Variants in TBC1D5 observed in about 807,000 individuals in gnomAD.
The protein encoded by TBC1D5 is TBC1 domain family member 5.
Under a neutral mutation model 100.3 loss-of-function variants are expected in TBC1D5, and 75 were observed. That is an observed-to-expected ratio of 0.75 (90% CI 0.62 to 0.91). The LOEUF is 0.91. TBC1D5 is among the 40% of genes least tolerant of loss of function. The pLI is 0.00. For synonymous variants in TBC1D5, 323 were observed against 325.6 expected (o/e 0.99, Z 0.09); for missense variants, 910 against 942.4 (o/e 0.97, Z 0.45).
At chr3:17,474,172 C>T (rs371765468) in intron 3 of TBC1D5, among the ~76,000 whole-genome samples, 1 of 152,206 alleles carries the variant, frequency 6.6e-6, no homozygotes, top group East Asian at 1.9e-4. Context: ...AGTTAATCAC[C>T]TTGTAAAAAC....
At chr3:17,295,059 A>G (rs1193683719) in intron 14 of TBC1D5, among the ~76,000 whole-genome samples, 1 of 152,244 alleles carries the variant, frequency 6.6e-6, no homozygotes, top group East Asian at 1.9e-4. Context: ...AAGAAGTGAA[A>G]GATTAAGAAA....
chr3:17,202,445 T>C (rs972816129), intron 18 of TBC1D5, among the ~76,000 whole-genome samples: 2 of 152,120 alleles, frequency 1.3e-5, no homozygotes, highest in Non-Finnish European at 2.9e-5. Flanking sequence ...AAAAGAAAAA[T>C]CCATGTTCCT....
At chr3:17,683,515 A>ACTT (rs2069795003) in intron 1 of TBC1D5, among the ~76,000 whole-genome samples, 2 of 146,722 alleles carry the variant, frequency 1.4e-5, no homozygotes, top group African/African-American at 5.5e-5. Flanking sequence ...AAGATGACTA[A>ACTT]ATGTTATACA....
At chr3:17,427,875 C>T (rs1430779744) in intron 4 of TBC1D5, among the ~76,000 whole-genome samples, 2 of 151,808 alleles carry the variant, frequency 1.3e-5, no homozygotes, top group Non-Finnish European at 3.0e-5. Flanking sequence ...AAGCAAAATT[C>T]AAGTTATGAG....
At chr3:17,565,948 T>C (rs539879106) in intron 2 of TBC1D5, among the ~76,000 whole-genome samples, 44 of 152,162 alleles carry the variant, frequency 2.9e-4, no homozygotes, top group African/African-American at 9.9e-4. Flanking sequence ...TATAACATTA[T>C]AGCACAATAT....
chr3:17,459,348 G>A (rs1271180394), intron 3 of TBC1D5, among the ~76,000 whole-genome samples: 2 of 151,996 alleles, frequency 1.3e-5, no homozygotes, highest in Non-Finnish European at 2.9e-5. Context: ...CACATCCCTC[G>A]CATGCACAGG....
intron 13 of TBC1D5, among the ~76,000 whole-genome samples, chr3:17,324,054 AG>A (rs1215475539): frequency 6.6e-6 from 1 of 152,230 alleles, no homozygotes; most frequent in Non-Finnish European, 1.5e-5. Context: ...AAACATGTCA[AG>A]GAAATTCAAT....
intron 3 of TBC1D5, among the ~76,000 whole-genome samples, chr3:17,464,278 G>C (rs746787381): frequency 6.2e-4 from 95 of 152,036 alleles, no homozygotes; most frequent in Non-Finnish European, 1.2e-3. Context: ...TTCTTAATCA[G>C]ATAAGAGTTG....
chr3:17,272,585 C>A (rs185232467), intron 15 of TBC1D5, among the ~76,000 whole-genome samples: 31 of 152,212 alleles, frequency 2.0e-4, no homozygotes, highest in African/African-American at 6.7e-4. Context: ...AAACTCATTA[C>A]CATTTTATAG....
At chr3:17,547,421 T>C (rs565911357) in intron 2 of TBC1D5, among the ~76,000 whole-genome samples, 2 of 152,322 alleles carry the variant, frequency 1.3e-5, no homozygotes, top group Admixed American at 6.5e-5. Flanking sequence ...CATCATCATA[T>C]ACTTATAAAA....
intron 1 of TBC1D5, among the ~76,000 whole-genome samples, chr3:17,725,538 TC>T (rs1016880888): frequency 6.6e-6 from 1 of 152,076 alleles, no homozygotes; most frequent in African/African-American, 2.4e-5. Context: ...CTTATTAGAC[TC>T]CCCACCTTGG....
intron 1 of TBC1D5, among the ~76,000 whole-genome samples, chr3:17,640,495 G>T (rs1450581477): frequency 6.6e-6 from 1 of 151,886 alleles, no homozygotes; most frequent in Non-Finnish European, 1.5e-5. Context: ...TTTAGAACTT[G>T]AAAGTTAGGT....
At chr3:17,357,511 C>T (rs1452449211) in intron 13 of TBC1D5, among the ~76,000 whole-genome samples, 2 of 151,916 alleles carry the variant, frequency 1.3e-5, no homozygotes, top group Non-Finnish European at 2.9e-5. Context: ...TAGAGGTGAT[C>T]GACGTAGAGA....
intron 9 of TBC1D5, among the ~76,000 whole-genome samples, chr3:17,383,607 C>T (rs975439892): frequency 1.3e-5 from 2 of 151,950 alleles, no homozygotes; most frequent in Non-Finnish European, 2.9e-5. Flanking sequence ...GTACATACAA[C>T]TCTGAAATTT....
intron 21 of TBC1D5, among the ~76,000 whole-genome samples, chr3:17,162,940 G>T (rs535699746): frequency 2.6e-5 from 4 of 152,264 alleles, no homozygotes; most frequent in African/African-American, 9.6e-5. Context: ...CACAACACAG[G>T]GCTGGAATGC....
intron 3 of TBC1D5, among the ~76,000 whole-genome samples, chr3:17,489,401 G>A (rs565924219): frequency 7.9e-5 from 12 of 152,078 alleles, no homozygotes; most frequent in East Asian, 1.9e-4. Flanking sequence ...CACTTAGAAG[G>A]GTTGAAAAAC....
upstream of TBC1D5, among the ~76,000 whole-genome samples, chr3:17,741,800 ATTTTTTTTTTTTTTTT>A (rs779385615): frequency 7.7e-4 from 37 of 47,956 alleles, no homozygotes; most frequent in Non-Finnish European, 1.1e-3. Context: ...CTCCCTGCGA[ATTTTTTTTTTTTTTTT>A]TTTTTTTTTT....
At chr3:17,180,368 T>TA (rs1412731941) in intron 19 of TBC1D5, among the ~76,000 whole-genome samples, 4 of 152,192 alleles carry the variant, frequency 2.6e-5, no homozygotes, top group Non-Finnish European at 5.9e-5. Flanking sequence ...CAAATGTCAT[T>TA]AAATAATTTT....
chr3:17,449,481 C>A (rs1030015625), intron 3 of TBC1D5, among the ~76,000 whole-genome samples: 1 of 152,218 alleles, frequency 6.6e-6, no homozygotes, highest in African/African-American at 2.4e-5. Flanking sequence ...CTAAGATCCA[C>A]TGGCTTGAAA....
Sources: allele counts gnomAD v4.1 joint callset (sites outside exome capture counted in the v4.1 genomes callset), GRCh38; gene constraint gnomAD v4.1.1; transcripts MANE v1.5; gene names NCBI Gene and HGNC (gene_info 2026-07-23, HGNC 2026-07-21).